The following DLG2 variants were observed in gnomAD, a reference collection of about 807,000 sequenced individuals.
DLG2 encodes the protein discs large MAGUK scaffold protein 2, also known as disks large homolog 2.
Under a neutral mutation model 132.5 loss-of-function variants are expected in DLG2, and 45 were observed. The ratio of observed to expected loss-of-function variants is 0.34; its 90% CI spans 0.27 to 0.44. The LOEUF is 0.44. Ranked by LOEUF, DLG2 falls within the 20% of genes least tolerant of loss-of-function variation. DLG2 has a pLI of 1.00. For synonymous variants in DLG2, 424 were observed against 419.6 expected, an observed-to-expected ratio of 1.01 and a Z score of -0.13; for missense variants, 1,045 against 1,196.9, an observed-to-expected ratio of 0.87 and a Z score of 1.87.
chr11:84,632,613 C>T (rs2099633955), intron 6 of DLG2, among the ~76,000 whole-genome samples: 2 of 152,154 alleles, frequency 1.3e-5, no homozygotes, highest in South Asian at 4.1e-4. Flanking sequence ...GTTCCAACTT[C>T]CACTAAGTGA....
At chr11:84,323,088 A>C (rs1013867378) in intron 7 of DLG2, among the ~76,000 whole-genome samples, 1 of 152,168 alleles carries the variant, frequency 6.6e-6, no homozygotes, top group African/African-American at 2.4e-5. Context: ...TTAAATTTTT[A>C]AGTGTCCAAT....
intron 3 of DLG2, among the ~76,000 whole-genome samples, chr11:85,545,378 G>T (rs1044904222): frequency 2.6e-5 from 4 of 152,144 alleles, no homozygotes; most frequent in African/African-American, 9.7e-5. Flanking sequence ...TGTGTTGCTG[G>T]ATTCGGTTTG....
intron 3 of DLG2, among the ~76,000 whole-genome samples, chr11:85,552,235 A>T (rs1157005917): frequency 6.6e-6 from 1 of 151,698 alleles, no homozygotes; most frequent in African/African-American, 2.4e-5. Context: ...GAGTGGTGCT[A>T]CAAGAATCTC....
At chr11:83,595,055 G>A (rs865971403) in intron 19 of DLG2, among the ~76,000 whole-genome samples, 4 of 152,136 alleles carry the variant, frequency 2.6e-5, no homozygotes, top group Non-Finnish European at 5.9e-5. Flanking sequence ...TGGTATAAAA[G>A]CTCATTCTGA....
At chr11:84,044,052 G>T (rs2096176131) in intron 11 of DLG2, among the ~76,000 whole-genome samples, 2 of 151,074 alleles carry the variant, frequency 1.3e-5, no homozygotes, top group East Asian at 2.0e-4. Flanking sequence ...TTTTTTAGAG[G>T]TTATGAAGAC....
chr11:85,066,697 A>G (rs556820934), intron 6 of DLG2, among the ~76,000 whole-genome samples: 1 of 151,914 alleles, frequency 6.6e-6, no homozygotes, highest in African/African-American at 2.4e-5. Flanking sequence ...AAACTATATG[A>G]TTATATCAAC....
intron 18 of DLG2, among the ~76,000 whole-genome samples, chr11:83,704,485 T>C (rs968025919): frequency 4.6e-5 from 7 of 152,188 alleles, no homozygotes; most frequent in Middle Eastern, 6.8e-3. Context: ...ACCATTATAA[T>C]TGAAAAATAG....
chr11:83,985,186 C>T (rs1054886702), intron 11 of DLG2, among the ~76,000 whole-genome samples: 2 of 152,008 alleles, frequency 1.3e-5, no homozygotes, highest in African/African-American at 4.8e-5. Flanking sequence ...GGCTCTCTAC[C>T]TTATAAGACC....
chr11:84,491,076 C>A (rs1420376922), intron 7 of DLG2, among the ~76,000 whole-genome samples: 1 of 151,950 alleles, frequency 6.6e-6, no homozygotes. Context: ...AACCACTCCC[C>A]AACATAAAAT....
At chr11:84,483,130 T>C (rs2099142030) in intron 7 of DLG2, among the ~76,000 whole-genome samples, 2 of 152,262 alleles carry the variant, frequency 1.3e-5, no homozygotes, top group Non-Finnish European at 2.9e-5. Context: ...CTGCATGTGA[T>C]GATTAAATTA....
chr11:84,971,189 T>C (rs545894214), intron 6 of DLG2, among the ~76,000 whole-genome samples: 2 of 152,174 alleles, frequency 1.3e-5, no homozygotes, highest in South Asian at 2.1e-4. Context: ...TTACATACAA[T>C]AAACATAGCG....
At chr11:84,063,915 A>T (rs550440674) in intron 10 of DLG2, among the ~76,000 whole-genome samples, 1 of 150,182 alleles carries the variant, frequency 6.7e-6, no homozygotes, top group South Asian at 2.2e-4. Flanking sequence ...TTGAACAATG[A>T]GAACACATGG....
chr11:84,033,025 C>T lies in DLG2; in HGVS notation c.919+26290G>A, dbSNP rs187516516. On this transcript the variant is annotated intron_variant, in intron 11 of 27. Transcript: ENST00000376104. ...AAAATATTGTTGCTCATTGTCGATG[C>T]ACCTAGTCACCAAGAGCTCTTATGC... 1.6e-3 allele frequency among the ~76,000 whole-genome samples: 247 copies of T among 152,288 alleles called. 1 individual carries two copies. Among genetic ancestry groups the T allele is most frequent in the African/African-American group, 5.5e-3 (228 of 41,550 alleles).
At chr11:85,539,807 A>G (rs1045774482) in intron 3 of DLG2, among the ~76,000 whole-genome samples, 2 of 152,236 alleles carry the variant, frequency 1.3e-5, no homozygotes, top group Non-Finnish European at 1.5e-5. Context: ...AGCTAAGGCA[A>G]GAAATATAGA....
At chr11:83,697,693 G>C (rs143948661) in intron 18 of DLG2, among the ~76,000 whole-genome samples, 9 of 152,166 alleles carry the variant, frequency 5.9e-5, no homozygotes, top group African/African-American at 1.7e-4. Context: ...TCTACTAGCA[G>C]CCTGGCCAAG....
chr11:84,377,551 T>C (rs1229055816), intron 7 of DLG2, among the ~76,000 whole-genome samples: 5 of 151,954 alleles, frequency 3.3e-5, no homozygotes, highest in Non-Finnish European at 5.9e-5. Flanking sequence ...TATTATAAAA[T>C]GTAGTAATTG....
chr11:83,623,123 A>T (rs1401434143), intron 19 of DLG2, among the ~76,000 whole-genome samples: 1 of 152,142 alleles, frequency 6.6e-6, no homozygotes, highest in Non-Finnish European at 1.5e-5. Flanking sequence ...TATTTAAGAT[A>T]GTTAAGTCTT....
intron 4 of DLG2, among the ~76,000 whole-genome samples, chr11:85,237,693 T>C (rs2075661535): frequency 1.3e-5 from 2 of 152,020 alleles, no homozygotes; most frequent in South Asian, 2.1e-4. Flanking sequence ...GTAGTTTAGA[T>C]GCAACTGACC....
At chr11:84,936,545 A>G (rs1293142873) in intron 6 of DLG2, 2 of 152,144 alleles carry the variant, frequency 1.3e-5, no homozygotes, top group African/African-American at 4.8e-5. Flanking sequence ...GAAGATATAT[A>G]TGTGCAATAT....
Sources: gnomAD v4.1 joint callset for allele counts (sites outside exome capture counted in the v4.1 genomes callset) on GRCh38, gnomAD v4.1.1 for gene constraint, MANE v1.5 for transcripts, NCBI Gene and HGNC (gene_info 2026-07-23, HGNC 2026-07-21) for gene names.